The following FAM204A variants were observed in gnomAD, a reference collection of about 807,000 sequenced individuals.
FAM204A encodes the protein family with sequence similarity 204 member A, also known as protein FAM204A.
Under a neutral mutation model 35.4 loss-of-function variants are expected in FAM204A, and 16 were observed. The observed-to-expected ratio is 0.45, with a 90% CI of 0.31 to 0.69. FAM204A has a LOEUF of 0.69. FAM204A is among the 30% of genes least tolerant of loss of function. FAM204A has a pLI of 0.07. For missense variants in FAM204A, 240 were observed against 265.7 expected (o/e 0.90, Z 0.67); for synonymous variants, 76 against 86.9 (o/e 0.88, Z 0.70).
In FAM204A at chr10:118,302,568, C is replaced by T. The variant is rs1845819401; in HGVS notation, c.*8289G>A. ...AAGCCCTCCACCATCGGGAATGGAA[C>T]TTTTATGTACATGGACTTTGGATTT... is the stretch of plus-strand genomic sequence containing the variant. On this transcript the variant is annotated 3_prime_UTR_variant, in exon 9 of 9. Transcript: ENST00000369183. The T allele has an allele frequency of 1.3e-5, 2 of 152,200 alleles. No homozygotes were observed. Among genetic ancestry groups the T allele is most frequent in the Admixed American group, 6.5e-5 (1 of 15,282 alleles). 9.4% of individuals were successfully genotyped at this position (152,200 alleles called of 1,614,324 possible).
Position 118,337,071 on chromosome 10 carries a change from CAA to C in FAM204A, c.-8-650_-8-649del, listed in dbSNP as rs1429860144. ...AAAAATGTACAGCTTTTTAAAGTAACAATACTATATTTGGGAAACTAATGGTC... is the reference window on the plus strand; with the variant it reads ...AAAAATGTACAGCTTTTTAAAGTAACTACTATATTTGGGAAACTAATGGTC... On this transcript the variant is annotated intron_variant, in intron 2 of 8. Transcript: ENST00000369183. 2.0e-5 allele frequency among the ~76,000 whole-genome samples: 3 copies of C among 151,978 alleles called. No individual in the cohort carries two copies. The East Asian group carries it at 5.8e-4, about 29-fold the overall frequency.
chr10:118,333,062 T>A (rs1846317407), intron 6 of FAM204A, among the ~76,000 whole-genome samples: 1 of 152,186 alleles, frequency 6.6e-6, no homozygotes, highest in Non-Finnish European at 1.5e-5. Context: ...TTAGGAAGAT[T>A]ATGTTTAAAA....
intron 7 of FAM204A, chr10:118,322,194 G>A (rs1846128613): frequency 4.0e-6 from 1 of 251,160 alleles, no homozygotes; most frequent in South Asian, 4.2e-5. Context: ...GAAAACATGA[G>A]AAAGAGAACA....
rs1564749466 is a variant in FAM204A at position 118,299,358 on chromosome 10, T to G, written c.*11499A>C. 1 of 149,022 alleles carries G rather than the reference T, an allele frequency of 6.7e-6. No homozygotes were observed. Among genetic ancestry groups the G allele is most frequent in the Non-Finnish European group, 1.5e-5 (1 of 67,590 alleles). 9.2% of individuals were successfully genotyped at this position (149,022 alleles called of 1,614,324 possible). ...AGCTAGGTACTTGACATGATTTGGT[T>G]TTGGAAAACCTCCTCCTTTCTGCTT... On this transcript the variant is annotated 3_prime_UTR_variant, in exon 9 of 9. Coordinates refer to ENST00000369183, the MANE Select transcript of FAM204A (RefSeq NM_022063.3).
Position 118,300,316 on chromosome 10 carries a change from T to C in FAM204A, c.*10541A>G, listed in dbSNP as rs965769138. 3 of 152,308 alleles carry C rather than the reference T, an allele frequency of 2.0e-5. No homozygotes were observed. In the South Asian group the frequency reaches 6.2e-4, roughly 32 times the overall value. The allele number at this position is 152,308 out of a possible 1,614,324, so 9.4% of individuals were successfully genotyped here. On this transcript the variant is annotated 3_prime_UTR_variant, in exon 9 of 9. Coordinates refer to ENST00000369183, the MANE Select transcript of FAM204A (RefSeq NM_022063.3). The stretch of plus-strand genomic sequence containing the variant: ...AAACTTGGCTTTCAAAAAAATATAC[T>C]GAGGATGATTTAATGCAGAAATATC...
Position 118,326,260 on chromosome 10 carries a change from C to A in FAM204A, c.454-17G>T. On this transcript the variant is annotated splice_polypyrimidine_tract_variant and intron_variant, in intron 6 of 8. Coordinates refer to ENST00000369183, the MANE Select transcript of FAM204A (RefSeq NM_022063.3). ...AAGGCCTGACTAGAAAAAAAAGAAA[C>A]CTAAAATTAAGGGCTGGAAGGAAAG... 1 of 1,603,664 alleles carries A rather than the reference C, an allele frequency of 6.2e-7. No homozygotes were observed. Among genetic ancestry groups the A allele is most frequent in the Non-Finnish European group, 8.5e-7 (1 of 1,172,584 alleles).
chr10:118,336,538 T>C, intron 2 of FAM204A, 115 bp from the exon 3 acceptor site: 2 of 926,692 alleles, frequency 2.2e-6, no homozygotes, highest in East Asian at 2.9e-5. Context: ...GAACAGTCCA[T>C]CTAAACTTTT....
At chr10:118,340,077 T>G (rs548412440) in intron 2 of FAM204A, among the ~76,000 whole-genome samples, 227 of 152,332 alleles carry the variant, frequency 1.5e-3, no homozygotes, top group Non-Finnish European at 2.1e-3. Context: ...GCCCAAACTA[T>G]TTTATTTTTC....
chr10:118,323,087 C>T (rs1175147824), intron 7 of FAM204A, among the ~76,000 whole-genome samples: 3 of 152,068 alleles, frequency 2.0e-5, no homozygotes, highest in African/African-American at 7.2e-5. Context: ...TTCTGTTGGT[C>T]AGTCACTTGC....
intron 7 of FAM204A, among the ~76,000 whole-genome samples, chr10:118,321,396 T>C (rs1435797379): frequency 6.6e-6 from 1 of 152,130 alleles, no homozygotes; most frequent in Non-Finnish European, 1.5e-5. Context: ...CTTTCCAATT[T>C]GGCCTGTGTC....
intron 6 of FAM204A, among the ~76,000 whole-genome samples, chr10:118,332,173 GAAA>G (rs59564428): frequency 1.8e-5 from 1 of 54,158 alleles, no homozygotes; most frequent in Non-Finnish European, 3.2e-5. Context: ...CTCTGTTTCA[GAAA>G]AAAAAAAAAA....
rs1476984261 is a variant in FAM204A at position 118,302,541 on chromosome 10, T to C, written c.*8316A>G. ...GCACAGAAACATCTGAGGACTTTAA[T>C]TAAGCCCTCCACCATCGGGAATGGA... On this transcript the variant is annotated 3_prime_UTR_variant, in exon 9 of 9. Coordinates refer to ENST00000369183, the MANE Select transcript of FAM204A (RefSeq NM_022063.3). 1 of 152,250 alleles carries C rather than the reference T, an allele frequency of 6.6e-6. No individual in the cohort carries two copies. Among genetic ancestry groups the C allele is most frequent in the East Asian group, 1.9e-4 (1 of 5,202 alleles). 9.4% of individuals were successfully genotyped at this position (152,250 alleles called of 1,614,324 possible). A position where few individuals can be genotyped will look rare whatever the true frequency, so the allele number is the denominator to read the frequency against.
Position 118,303,851 on chromosome 10 carries a change from C to T in FAM204A, c.*7006G>A, listed in dbSNP as rs1481081214. 1 of 152,704 alleles carries T rather than the reference C, an allele frequency of 6.5e-6. No individual in the cohort carries two copies. Among genetic ancestry groups the T allele is most frequent in the Non-Finnish European group, 1.5e-5 (1 of 68,554 alleles). 9.5% of individuals were successfully genotyped at this position (152,704 alleles called of 1,614,324 possible). A position where few individuals can be genotyped will look rare whatever the true frequency, so the allele number is the denominator to read the frequency against. ...AAAAAAACAGCTCCTTTGCCACAAG[C>T]AGAGTTCACAGAGCCCTCTTCCCCC... is the stretch of plus-strand genomic sequence containing the variant. On this transcript the variant is annotated 3_prime_UTR_variant, in exon 9 of 9. Transcript: ENST00000369183.
In FAM204A at chr10:118,310,942, T is replaced by A. The variant is rs367882278; in HGVS notation, c.651-34A>T. On this transcript the variant is annotated intron_variant, in intron 8 of 8. Transcript: ENST00000369183. ...AAGAACATACAAATCTCAATTTATT[T>A]CTTAAAAAAAAAAATACTTTGCTGA... The A allele has an allele frequency of 2.9e-4, 457 of 1,551,564 alleles. No homozygotes were observed. The highest frequency in any genetic ancestry group is 3.6e-4 in the Non-Finnish European group (413 of 1,148,844).
At chr10:118,336,996 T>C (rs1164657147) in intron 2 of FAM204A, among the ~76,000 whole-genome samples, 1 of 152,234 alleles carries the variant, frequency 6.6e-6, no homozygotes, top group African/African-American at 2.4e-5. Context: ...TTTAGTTTAA[T>C]ACTGTTTGCT....
At chr10:118,317,495 T>C (rs1361776758) in intron 7 of FAM204A, among the ~76,000 whole-genome samples, 2 of 152,014 alleles carry the variant, frequency 1.3e-5, no homozygotes, top group Non-Finnish European at 2.9e-5. Flanking sequence ...CACCCAATCA[T>C]ACCCCAAAGG....
chr10:118,326,912 T>C (rs1371186797), intron 6 of FAM204A, among the ~76,000 whole-genome samples: 2 of 152,246 alleles, frequency 1.3e-5, no homozygotes, highest in African/African-American at 2.4e-5. Flanking sequence ...CTTATGTATA[T>C]GTTTTTATTT....
chr10:118,327,381 A>C (rs1846214359), intron 6 of FAM204A, among the ~76,000 whole-genome samples: 1 of 152,232 alleles, frequency 6.6e-6, no homozygotes, highest in African/African-American at 2.4e-5. Context: ...TCTGTTGCTA[A>C]GAGAAGACGA....
At chr10:118,335,078 A>T in intron 6 of FAM204A, 36 bp downstream of exon 6, 1 of 1,438,698 alleles carries the variant, frequency 7.0e-7, no homozygotes, top group Non-Finnish European at 9.8e-7. Context: ...AACATATCCT[A>T]CTAGCTGGTA....
Sources: gnomAD v4.1 joint callset for allele counts (sites outside exome capture counted in the v4.1 genomes callset) on GRCh38, gnomAD v4.1.1 for gene constraint, MANE v1.5 for transcripts, NCBI Gene and HGNC (gene_info 2026-07-23, HGNC 2026-07-21) for gene names.